Variants in SLC22A23 observed in about 807,000 individuals in gnomAD.
SLC22A23 encodes the protein ion transporter protein.
A neutral mutation model predicts 61.0 loss-of-function variants in SLC22A23; 26 were observed. The ratio of observed to expected loss-of-function variants is 0.43; its 90% CI spans 0.31 to 0.59. The LOEUF (loss-of-function observed/expected upper bound fraction) is 0.59. SLC22A23 is among the 20% of genes least tolerant of loss of function. The pLI is 0.11. For synonymous variants in SLC22A23, 430 were observed against 413.9 expected, an observed-to-expected ratio of 1.04 and a Z score of -0.47; for missense variants, 796 against 934.7, an observed-to-expected ratio of 0.85 and a Z score of 1.94.
At chr6:3,285,647 T>G (rs115830324) in intron 7 of SLC22A23, among the ~76,000 whole-genome samples, 3,070 of 152,208 alleles carry the variant, frequency 0.02, 115 homozygotes, top group African/African-American at 0.069. Flanking sequence ...GGAACGGGGA[T>G]GGAGGGAGAC....
rs1175457454 is a variant in SLC22A23, at chr6:3,329,298, T to G, written c.914-5296A>C. ...CATCCTCCCATAATGCACAAATGAA[T>G]AAAACACAACACTTATTCTTCCTTA... is the stretch of plus-strand genomic sequence containing the variant. On this transcript the variant is annotated intron_variant, in intron 3 of 9. Coordinates refer to ENST00000406686, the MANE Select transcript of SLC22A23 (RefSeq NM_015482.2). This position sits in a 1 kb window ranked among gnomAD's most constrained non-coding sequence, Gnocchi z 4.8. Among the ~76,000 whole-genome samples the G allele has an allele frequency of 3.3e-5, 5 of 152,084 alleles. No homozygotes were observed. The highest frequency in any genetic ancestry group is 7.4e-5 in the Non-Finnish European group (5 of 67,998).
intron 4 of SLC22A23, chr6:3,313,550 T>C (rs1458208641): frequency 2.0e-5 from 3 of 152,240 alleles, no homozygotes; most frequent in African/African-American, 7.2e-5. Flanking sequence ...CCTCCTCTCA[T>C]GTAGGGAACC....
chr6:3,350,165 A>C (rs143789179), intron 3 of SLC22A23, among the ~76,000 whole-genome samples: 1 of 152,320 alleles, frequency 6.6e-6, no homozygotes, highest in Non-Finnish European at 1.5e-5. Context: ...TGATGCACTT[A>C]ATTCTATTTT....
Position 3,330,723 on chromosome 6 carries a change from C to G in SLC22A23, c.914-6721G>C, listed in dbSNP as rs994807238. ...AAAGCTTGCCATTACAGCTCTACAT[C>G]TCCCCTTCCGCGTGGAAGGCGTCCT... On this transcript the variant is annotated intron_variant, in intron 3 of 9. Transcript: ENST00000406686. The surrounding 1 kb of genome is among the most constrained non-coding windows in gnomAD (Gnocchi z 4.7). Among the ~76,000 whole-genome samples, 9 of 152,214 alleles carry G rather than the reference C, an allele frequency of 5.9e-5. No homozygotes were observed. The highest frequency in any genetic ancestry group is 1.0e-4 in the Non-Finnish European group (7 of 68,044).
intron 3 of SLC22A23, among the ~76,000 whole-genome samples, chr6:3,347,332 C>A (rs1487535895): frequency 6.6e-6 from 1 of 152,182 alleles, no homozygotes; most frequent in Non-Finnish European, 1.5e-5. Context: ...CTTCCTCGCA[C>A]CCCTCAGGAT....
intron 1 of SLC22A23, among the ~76,000 whole-genome samples, chr6:3,437,297 C>T (rs887184368): frequency 5.9e-5 from 9 of 152,084 alleles, no homozygotes; most frequent in Non-Finnish European, 1.3e-4. Flanking sequence ...CATCAAAATT[C>T]CCTCATAGTC....
At chr6:3,359,115 C>T (rs1020216577) in intron 3 of SLC22A23, among the ~76,000 whole-genome samples, 2 of 152,022 alleles carry the variant, frequency 1.3e-5, no homozygotes, top group Admixed American at 1.3e-4. Flanking sequence ...CAGAGACGTC[C>T]CAGAACAACA....
intron 5 of SLC22A23, among the ~76,000 whole-genome samples, chr6:3,293,535 A>G (rs1760808172): frequency 6.6e-6 from 1 of 152,250 alleles, no homozygotes. Flanking sequence ...ACAATCTTCA[A>G]TGTCTAGCCA....
At chr6:3,396,916 A>G (rs368502353) in intron 3 of SLC22A23, among the ~76,000 whole-genome samples, 960 of 84,644 alleles carry the variant, frequency 0.011, 11 homozygotes, top group African/African-American at 0.029. Context: ...ACCCCAGGAT[A>G]CAGAAAGCCC....
intron 3 of SLC22A23, among the ~76,000 whole-genome samples, chr6:3,326,120 G>A (rs779946537): frequency 2.0e-5 from 3 of 152,196 alleles, no homozygotes; most frequent in East Asian, 1.9e-4. Context: ...CTAGGTTTGC[G>A]GATGAGCAGG....
chr6:3,450,612 C>T (rs927753658), intron 1 of SLC22A23, among the ~76,000 whole-genome samples: 19 of 152,054 alleles, frequency 1.2e-4, no homozygotes, highest in Admixed American at 6.6e-5. Flanking sequence ...GCCGTCAGTT[C>T]GGTATTAGGA....
intron 3 of SLC22A23, among the ~76,000 whole-genome samples, chr6:3,388,469 G>C (rs1767449452): frequency 6.6e-6 from 1 of 152,148 alleles, no homozygotes; most frequent in Admixed American, 6.5e-5. Context: ...ATGTCAGATG[G>C]AACAGCCAGC....
At chr6:3,406,721 T>C (rs1207505636) in intron 3 of SLC22A23, among the ~76,000 whole-genome samples, 1 of 152,210 alleles carries the variant, frequency 6.6e-6, no homozygotes, top group African/African-American at 2.4e-5. Flanking sequence ...TCTGCTTCCA[T>C]GCAAACACTC....
At chr6:3,394,540 A>G (rs1219467326) in intron 3 of SLC22A23, among the ~76,000 whole-genome samples, 2 of 152,216 alleles carry the variant, frequency 1.3e-5, no homozygotes, top group African/African-American at 4.8e-5. Flanking sequence ...TGCATCAAAG[A>G]GGAAATTATC....
At chr6:3,339,149 T>C (rs1016438257) in intron 3 of SLC22A23, among the ~76,000 whole-genome samples, 2 of 152,240 alleles carry the variant, frequency 1.3e-5, no homozygotes, top group African/African-American at 4.8e-5. Flanking sequence ...CTGAAATCCA[T>C]GTCAGCCTCC....
chr6:3,283,742 A>G (rs1309325963), intron 9 of SLC22A23, 110 bp downstream of exon 9: 5 of 1,553,208 alleles, frequency 3.2e-6, no homozygotes, highest in African/African-American at 1.4e-5. Flanking sequence ...TGATGTGTCC[A>G]GAGCCAGAGA....
At chr6:3,395,136 T>G (rs1256469063) in intron 3 of SLC22A23, among the ~76,000 whole-genome samples, 1 of 152,214 alleles carries the variant, frequency 6.6e-6, no homozygotes, top group Admixed American at 6.5e-5. Flanking sequence ...TATGCTCTCA[T>G]GTCAGTGAAA....
intron 3 of SLC22A23, among the ~76,000 whole-genome samples, chr6:3,403,203 G>A (rs991702076): frequency 6.6e-6 from 1 of 150,566 alleles, no homozygotes; most frequent in Non-Finnish European, 1.5e-5. Flanking sequence ...TGTTTTCAAG[G>A]TGACTGATTT....
At chr6:3,299,998 C>CTTTTTTTTTTTTTTTTTTT in intron 4 of SLC22A23, among the ~76,000 whole-genome samples, 1 of 78,804 alleles carries the variant, frequency 1.3e-5, no homozygotes, top group Admixed American at 1.9e-4. Context: ...TCAGGATAGA[C>CTTTTTTTTTTTTTTTTTTT]TTTTTTTTTT....
Sources: allele counts gnomAD v4.1 joint callset (sites outside exome capture counted in the v4.1 genomes callset), GRCh38; gene constraint gnomAD v4.1.1; non-coding constraint Gnocchi (gnomAD v3.1); transcripts MANE v1.5; gene names NCBI Gene and HGNC (gene_info 2026-07-23, HGNC 2026-07-21).